Variants in GALNT2 observed in about 807,000 individuals in gnomAD.
GALNT2 encodes the protein polypeptide N-acetylgalactosaminyltransferase 2.
GALNT2 carries 31 observed loss-of-function variants against 81.4 expected under a neutral mutation model. The observed-to-expected ratio is 0.38, with a 90% confidence interval of 0.29 to 0.51. The LOEUF is 0.51. Ranked by LOEUF, GALNT2 falls within the 20% of genes least tolerant of loss-of-function variation. The probability of loss-of-function intolerance (pLI) is 0.87; values close to 1 mark genes in which losing one functional copy is unlikely to be tolerated. For synonymous variants in GALNT2, 303 were observed against 287.4 expected, an observed-to-expected ratio of 1.05 and a Z score of -0.55; for missense variants, 629 against 765.7, an observed-to-expected ratio of 0.82 and a Z score of 2.11.
chr1:230,089,864 A>G (rs976820080), intron 1 of GALNT2, among the ~76,000 whole-genome samples: 2 of 152,216 alleles, frequency 1.3e-5, no homozygotes, highest in Admixed American at 6.5e-5. Flanking sequence ...ACAGGTGTGC[A>G]CATTTCCCTT....
At chr1:230,144,362 A>G (rs1661845444) in intron 1 of GALNT2, among the ~76,000 whole-genome samples, 1 of 152,178 alleles carries the variant, frequency 6.6e-6, no homozygotes, top group East Asian at 1.9e-4. Flanking sequence ...AAAGACTACT[A>G]CACTCGGCTT....
chr1:230,077,729 G>A (rs548901700), intron 1 of GALNT2, among the ~76,000 whole-genome samples: 15 of 152,226 alleles, frequency 9.9e-5, no homozygotes, highest in African/African-American at 2.4e-4. Context: ...CACCAAAAGC[G>A]CTGGTGATGT....
At chr1:230,102,076 C>T (rs1246027311) in intron 1 of GALNT2, among the ~76,000 whole-genome samples, 3 of 152,166 alleles carry the variant, frequency 2.0e-5, no homozygotes, top group African/African-American at 7.2e-5. Context: ...TGCAAAGACA[C>T]ATCTATCAGA....
intron 3 of GALNT2, among the ~76,000 whole-genome samples, chr1:230,207,962 C>T (rs779301112): frequency 2.8e-4 from 42 of 152,140 alleles, no homozygotes; most frequent in Non-Finnish European, 5.6e-4. Flanking sequence ...CTTGGCGGTA[C>T]ATGTGAGATT....
intron 2 of GALNT2, among the ~76,000 whole-genome samples, chr1:230,185,278 G>A (rs111329736): frequency 0.044 from 5,439 of 123,602 alleles, 340 homozygotes; most frequent in African/African-American, 0.17. Context: ...GCGTGCGTGT[G>A]TGTGTGTGTG....
rs761739673 is a variant in GALNT2, at chr1:230,274,394, T to C, written c.1441-51T>C. ...GCCCTCATCGATGCCCCTTCTTTCC[T>C]TTCACAGCCCGGTGCATAGCACGCC... On this transcript the variant is annotated intron_variant, in intron 14 of 15. Coordinates refer to ENST00000366672, the MANE Select transcript of GALNT2 (RefSeq NM_004481.5). The C allele has an allele frequency of 3.1e-6, 5 of 1,590,824 alleles. No individual in the cohort carries two copies. The Admixed American group carries it at 8.7e-5, about 28-fold the overall frequency.
intron 14 of GALNT2, among the ~76,000 whole-genome samples, chr1:230,268,898 G>A (rs532675098): frequency 6.6e-5 from 10 of 152,198 alleles, no homozygotes; most frequent in Admixed American, 4.6e-4. Context: ...GACACAGAGC[G>A]CCCATTCCTT....
At chr1:230,209,556 G>A (rs542720837) in intron 3 of GALNT2, among the ~76,000 whole-genome samples, 1 of 152,340 alleles carries the variant, frequency 6.6e-6, no homozygotes, top group South Asian at 2.1e-4. Context: ...CAAATCTATT[G>A]TTGGGCCAGG....
chr1:230,245,460 G>A (rs6671095), intron 7 of GALNT2, among the ~76,000 whole-genome samples: 5,508 of 150,010 alleles, frequency 0.037, 297 homozygotes, highest in East Asian at 0.21. Flanking sequence ...GTGAAACTCC[G>A]TCTCAAAAAA....
chr1:230,131,289 G>A (rs1487216291), intron 1 of GALNT2, among the ~76,000 whole-genome samples: 2 of 152,218 alleles, frequency 1.3e-5, no homozygotes, highest in South Asian at 2.1e-4. Flanking sequence ...TTTCTGAGAG[G>A]CCTGGAGGAA....
At chr1:230,267,735 AAGG>A (rs912669972) in intron 14 of GALNT2, among the ~76,000 whole-genome samples, 5 of 152,200 alleles carry the variant, frequency 3.3e-5, no homozygotes, top group African/African-American at 1.2e-4. Context: ...AAGCGGGTGA[AAGG>A]AGGAGGAGCC....
chr1:230,105,409 C>T (rs1278745029), intron 1 of GALNT2, among the ~76,000 whole-genome samples: 2 of 152,186 alleles, frequency 1.3e-5, no homozygotes, highest in Non-Finnish European at 2.9e-5. Flanking sequence ...TTTCCCCCGC[C>T]TCTCATGTTT....
intron 2 of GALNT2, among the ~76,000 whole-genome samples, chr1:230,182,555 T>C (rs1194406283): frequency 6.6e-6 from 1 of 152,250 alleles, no homozygotes; most frequent in African/African-American, 2.4e-5. Context: ...GCTATCTTTC[T>C]GTTATTGAAT....
upstream of GALNT2, chr1:230,057,955 C>A (rs1419486970): frequency 2.2e-6 from 1 of 449,246 alleles, no homozygotes; most frequent in Non-Finnish European, 4.5e-6. Flanking sequence ...TGGCTCCTTT[C>A]CCCAGGACGA....
rs2102738070 is a variant in GALNT2 at position 230,067,375 on chromosome 1, C to A, written c.95C>A (p.Ala32Asp). The A allele has an allele frequency of 7.7e-7, 1 of 1,304,702 alleles. No individual in the cohort carries two copies. 80.8% of individuals were successfully genotyped at this position (1,304,702 alleles called of 1,614,324 possible). A position where few individuals can be genotyped will look rare whatever the true frequency, so the allele number is the denominator to read the frequency against. Residue 32 changes from alanine (A) to aspartate (D), a missense_variant, in exon 1 of 16, where the codon GCC (alanine) becomes GAC (aspartate). Coordinates refer to ENST00000366672, the MANE Select transcript of GALNT2 (RefSeq NM_004481.5). ...TACTCGGGGGGCGGCTCTGCGCTGG[C>A]CGGGGGCGCGGGCGGCGGCGCCGGC... ...YMYSGGGSAL[A>D]GGAGGGAGRK...
chr1:230,099,716 G>C (rs142850294), intron 1 of GALNT2, among the ~76,000 whole-genome samples: 13 of 152,344 alleles, frequency 8.5e-5, no homozygotes, highest in African/African-American at 2.9e-4. Context: ...CTTCTTCCTA[G>C]TGGTGTGCTG....
At chr1:230,075,311 A>G (rs1403072994) in intron 1 of GALNT2, among the ~76,000 whole-genome samples, 2 of 151,972 alleles carry the variant, frequency 1.3e-5, no homozygotes, top group African/African-American at 4.8e-5. Context: ...TTTTTAATAG[A>G]GACAGGGTTT....
chr1:230,172,875 A>C (rs1662839511), intron 1 of GALNT2, among the ~76,000 whole-genome samples: 1 of 152,196 alleles, frequency 6.6e-6, no homozygotes. Flanking sequence ...TTTAGATGTC[A>C]TTGCTATTTT....
rs1666442443 is a variant in GALNT2, at chr1:230,281,499, G to C, written c.*2041G>C. 1 of 152,256 alleles carries C rather than the reference G, an allele frequency of 6.6e-6. No homozygotes were observed. The highest frequency in any genetic ancestry group is 1.5e-5 in the Non-Finnish European group (1 of 68,092). 9.4% of individuals were successfully genotyped at this position (152,256 alleles called of 1,614,324 possible). A position where few individuals can be genotyped will look rare whatever the true frequency, so the allele number is the denominator to read the frequency against. ...TGTCAGACCCTGTGACCTGCGAGCT[G>C]CTACTACTGTAAGGAGGGAAATGGA... On this transcript the variant is annotated 3_prime_UTR_variant, in exon 16 of 16. Coordinates refer to ENST00000366672, the MANE Select transcript of GALNT2 (RefSeq NM_004481.5).
Sources: allele counts gnomAD v4.1 joint callset (sites outside exome capture counted in the v4.1 genomes callset), GRCh38; gene constraint gnomAD v4.1.1; transcripts MANE v1.5; gene names NCBI Gene and HGNC (gene_info 2026-07-23, HGNC 2026-07-21).